CCSER1: variants seen among roughly 807,000 people sequenced by gnomAD.
CCSER1 encodes serine-rich coiled-coil domain-containing protein 1.
CCSER1 carries 41 observed loss-of-function variants against 82.0 expected under a neutral mutation model. The observed-to-expected ratio is 0.50, with a 90% CI of 0.39 to 0.65. CCSER1 has a LOEUF of 0.65. Among genes scored for constraint, CCSER1 ranks in the 30% least tolerant of loss-of-function variants. CCSER1 has a pLI of 0.00. For missense variants in CCSER1, 1,119 were observed against 1,064.2 expected, an observed-to-expected ratio of 1.05 and a Z score of -0.72; for synonymous variants, 414 against 383.9, an observed-to-expected ratio of 1.08 and a Z score of -0.92.
chr4:90,962,969 A>G (rs1408857672), intron 9 of CCSER1, among the ~76,000 whole-genome samples: 1 of 152,066 alleles, frequency 6.6e-6, no homozygotes, highest in East Asian at 1.9e-4. Flanking sequence ...AGGTAATTAT[A>G]TATTGTTCTA....
At chr4:90,684,518 T>G (rs1277714809) in intron 6 of CCSER1, among the ~76,000 whole-genome samples, 2 of 152,236 alleles carry the variant, frequency 1.3e-5, no homozygotes, top group Non-Finnish European at 2.9e-5. Flanking sequence ...CTTTAAATTA[T>G]GCTTGTGAAT....
intron 3 of CCSER1, among the ~76,000 whole-genome samples, chr4:90,337,409 T>C (rs1044098284): frequency 3.3e-5 from 5 of 152,190 alleles, no homozygotes; most frequent in Non-Finnish European, 7.3e-5. Flanking sequence ...TGAGAGCAGA[T>C]AGTAGTCAAA....
chr4:90,284,371 CT>C (rs1282906222), intron 1 of CCSER1, among the ~76,000 whole-genome samples: 10 of 152,018 alleles, frequency 6.6e-5, no homozygotes, highest in Non-Finnish European at 1.3e-4. Flanking sequence ...TTTGCCAGTG[CT>C]TTTGTGATCT....
chr4:91,455,519 C>T (rs995483024), intron 10 of CCSER1, among the ~76,000 whole-genome samples: 1 of 152,014 alleles, frequency 6.6e-6, no homozygotes, highest in Admixed American at 6.6e-5. Context: ...AGGAAACAGA[C>T]AGCAAGGCCT....
At chr4:90,609,444 A>G (rs1418447820) in intron 5 of CCSER1, among the ~76,000 whole-genome samples, 1 of 151,496 alleles carries the variant, frequency 6.6e-6, no homozygotes, top group East Asian at 1.9e-4. Context: ...TACTATATCA[A>G]TAATACACAA....
intron 3 of CCSER1, among the ~76,000 whole-genome samples, chr4:90,389,723 G>A (rs76555486): frequency 0.089 from 13,611 of 152,172 alleles, 765 homozygotes; most frequent in Middle Eastern, 0.21. Context: ...TTATTCCTTT[G>A]TAACTATCTT....
At chr4:90,821,671 A>C (rs1055819267) in intron 8 of CCSER1, among the ~76,000 whole-genome samples, 1 of 152,180 alleles carries the variant, frequency 6.6e-6, no homozygotes, top group African/African-American at 2.4e-5. Flanking sequence ...AATTAATTAT[A>C]ATAAAAGGTA....
At chr4:90,188,415 C>T (rs1735015956) in intron 1 of CCSER1, among the ~76,000 whole-genome samples, 3 of 151,702 alleles carry the variant, frequency 2.0e-5, no homozygotes, top group African/African-American at 7.3e-5. Flanking sequence ...AAGAAGTCTT[C>T]CAAGAGTTTA....
intron 10 of CCSER1, among the ~76,000 whole-genome samples, chr4:91,445,173 C>T (rs1040713958): frequency 7.2e-5 from 11 of 152,182 alleles, no homozygotes; most frequent in African/African-American, 2.2e-4. Flanking sequence ...TTTGCTTCAA[C>T]ACAAAATAAT....
At chr4:91,217,188 C>A (rs929502800) in intron 10 of CCSER1, among the ~76,000 whole-genome samples, 6 of 152,084 alleles carry the variant, frequency 3.9e-5, no homozygotes, top group African/African-American at 1.4e-4. Flanking sequence ...TAAGCAGTAG[C>A]AAGAGGGAAA....
At chr4:90,139,090 C>T (rs1373941559) in intron 1 of CCSER1, among the ~76,000 whole-genome samples, 1 of 152,158 alleles carries the variant, frequency 6.6e-6, no homozygotes. Context: ...GACATCCTAG[C>T]TTGCTACACA....
At chr4:91,047,716 G>A (rs1263943902) in intron 9 of CCSER1, among the ~76,000 whole-genome samples, 1 of 152,108 alleles carries the variant, frequency 6.6e-6, no homozygotes, top group Non-Finnish European at 1.5e-5. Context: ...AAAGTCACTA[G>A]TTCTTATTCT....
At chr4:90,242,036 G>A (rs1026558486) in intron 1 of CCSER1, among the ~76,000 whole-genome samples, 2 of 152,222 alleles carry the variant, frequency 1.3e-5, no homozygotes, top group African/African-American at 4.8e-5. Flanking sequence ...GCTGGGCGCA[G>A]TGGCTCCCAC....
At chr4:91,215,336 A>C (rs1045724071) in intron 10 of CCSER1, among the ~76,000 whole-genome samples, 1 of 152,200 alleles carries the variant, frequency 6.6e-6, no homozygotes, top group Non-Finnish European at 1.5e-5. Context: ...GATACTATAC[A>C]TATTTATTAA....
intron 10 of CCSER1, among the ~76,000 whole-genome samples, chr4:91,223,604 A>G (rs2149103677): frequency 6.6e-6 from 1 of 152,240 alleles, no homozygotes; most frequent in Non-Finnish European, 1.5e-5. Flanking sequence ...GTGAAAAAAT[A>G]GTTTTTAGGA....
At chr4:90,179,995 A>G (rs1733419191) in intron 1 of CCSER1, among the ~76,000 whole-genome samples, 1 of 152,086 alleles carries the variant, frequency 6.6e-6, no homozygotes, top group Non-Finnish European at 1.5e-5. Flanking sequence ...ATGATAGGAC[A>G]GAAAAGACAA....
intron 6 of CCSER1, among the ~76,000 whole-genome samples, chr4:90,701,818 G>A (rs541481623): frequency 1.1e-3 from 166 of 152,290 alleles, no homozygotes; most frequent in African/African-American, 3.9e-3. Context: ...TTTGCACATT[G>A]ATTTTGTATC....
chr4:90,980,360 A>G (rs1736000844), intron 9 of CCSER1, among the ~76,000 whole-genome samples: 3 of 151,824 alleles, frequency 2.0e-5, no homozygotes. Context: ...GGACTGAGCA[A>G]GGGGGAGACC....
chr4:91,074,611 T>C (rs1200049080), intron 9 of CCSER1, among the ~76,000 whole-genome samples: 3 of 152,178 alleles, frequency 2.0e-5, no homozygotes, highest in African/African-American at 7.2e-5. Context: ...AATTCTGGAT[T>C]AGGGACCCCG....
Sources: gnomAD v4.1 joint callset for allele counts (sites outside exome capture counted in the v4.1 genomes callset) on GRCh38, gnomAD v4.1.1 for gene constraint, MANE v1.5 for transcripts, NCBI Gene and HGNC (gene_info 2026-07-23, HGNC 2026-07-21) for gene names.